SATB1: variants seen among roughly 807,000 people sequenced by gnomAD.
SATB1 encodes SATB homeobox 1.
A neutral mutation model predicts 86.9 loss-of-function variants in SATB1; 11 were observed. The ratio of observed to expected loss-of-function variants is 0.13; its 90% CI spans 0.08 to 0.21. The LOEUF (loss-of-function observed/expected upper bound fraction) is 0.21, where lower values mean the gene tolerates loss of function less well. Among genes scored for constraint, SATB1 ranks in the 10% least tolerant of loss-of-function variants. The pLI, the probability that SATB1 is intolerant of heterozygous loss-of-function variation, is 1.00. For synonymous variants in SATB1, 357 were observed against 357.2 expected, an observed-to-expected ratio of 1.00 and a Z score of 0.01; for missense variants, 551 against 937.6, an observed-to-expected ratio of 0.59 and a Z score of 5.39.
rs1426260004 is a variant in SATB1, at chr3:18,348,495, CAAAT to C, written c.*671_*674del. The C allele has an allele frequency of 6.6e-6, 1 of 152,158 alleles. No individual in the cohort carries two copies. The highest frequency in any genetic ancestry group is 2.4e-5 in the African/African-American group (1 of 41,274). 9.4% of individuals were successfully genotyped at this position (152,158 alleles called of 1,614,324 possible). On this transcript the variant is annotated 3_prime_UTR_variant, in exon 11 of 11. Transcript: ENST00000338745. ...TTACAACATGATGCTGCAGGATCTA[CAAAT>C]AAATAATGAGGACTAAATTGTGTTT...
intron 9 of SATB1, among the ~76,000 whole-genome samples, chr3:18,370,411 C>A (rs577957867): frequency 8.9e-4 from 135 of 151,102 alleles, no homozygotes; most frequent in Middle Eastern, 3.4e-3. Flanking sequence ...CCATCCCCAA[C>A]TCCCCAACAA....
At chr3:18,410,371 T>C (rs547200191) in intron 5 of SATB1, among the ~76,000 whole-genome samples, 1 of 152,112 alleles carries the variant, frequency 6.6e-6, no homozygotes, top group African/African-American at 2.4e-5. Flanking sequence ...AAAGGCTACT[T>C]GGTGAAGCTC....
rs566795258 is a variant in SATB1, at chr3:18,379,346, A to C, written c.1420-1021T>G. On this transcript the variant is annotated intron_variant, in intron 8 of 10. Coordinates refer to ENST00000338745, the MANE Select transcript of SATB1 (RefSeq NM_002971.6). ...TAGCTGATTTTTTACTGGGAAACTG[A>C]TGAAAATATAAATGAAAAATTACTA... 2.0e-5 allele frequency among the ~76,000 whole-genome samples: 3 copies of C among 152,328 alleles called. No individual in the cohort carries two copies. The East Asian group carries it at 5.8e-4, about 29-fold the overall frequency.
At position 18,434,353 on chromosome 3, in the gene SATB1, AT is replaced by A. The variant is rs1392359989; in HGVS notation, c.-25+2435del. On this transcript the variant is annotated intron_variant, in intron 2 of 3. Coordinates refer to the SATB1 transcript ENST00000414509. Reference sequence around the variant, plus strand: ...ATTCTCAATAGATTTGAAAAATCCAATTGTTTGGCCAACATCCAAGTAAGAA... The same window carrying A: ...ATTCTCAATAGATTTGAAAAATCCAATGTTTGGCCAACATCCAAGTAAGAA... Among the ~76,000 whole-genome samples the A allele has an allele frequency of 2.6e-5, 4 of 152,088 alleles. No homozygotes were observed. The East Asian group carries it at 7.7e-4, about 29-fold the overall frequency.
At chr3:18,376,417 C>T (rs1463642948) in intron 9 of SATB1, among the ~76,000 whole-genome samples, 1 of 151,652 alleles carries the variant, frequency 6.6e-6, no homozygotes, top group African/African-American at 2.4e-5. Context: ...TTTAGGGAAA[C>T]AGGCTTTTGT....
chr3:18,424,882 T>C lies in SATB1; in HGVS notation c.-1280A>G, dbSNP rs1698596570. On this transcript the variant is annotated 5_prime_UTR_variant, in exon 1 of 11. Transcript: ENST00000338745. ...GGATAGAGGGCGGCCGCGGCTGTTG[T>C]TGTTGTGACGAGGCCGGGTGTTGCT... 1 of 153,844 alleles carries C rather than the reference T, an allele frequency of 6.5e-6. No homozygotes were observed. Among genetic ancestry groups the C allele is most frequent in the Admixed American group, 6.5e-5 (1 of 15,292 alleles). The allele number at this position is 153,844 out of a possible 1,614,324, so 9.5% of individuals were successfully genotyped here. A position where few individuals can be genotyped will look rare whatever the true frequency, so the allele number is the denominator to read the frequency against.
chr3:18,444,516 G>T lies in SATB1; in HGVS notation c.-25+1002C>A. 1.1e-6 allele frequency: 1 copy of T among 926,376 alleles called. No homozygotes were observed. The highest frequency in any genetic ancestry group is 1.3e-6 in the Non-Finnish European group (1 of 776,060). 57.4% of individuals were successfully genotyped at this position (926,376 alleles called of 1,614,324 possible). A position where few individuals can be genotyped will look rare whatever the true frequency, so the allele number is the denominator to read the frequency against. On this transcript the variant is annotated intron_variant, in intron 1 of 3. Coordinates refer to the SATB1 transcript ENST00000415069. The surrounding 1 kb of genome is among the most constrained non-coding windows in gnomAD (Gnocchi z 5.1). ...TAGGGGACGAGGAGTGGGTGCTACG[G>T]AGAAGTTTGGATTGATTCCGGAAAA...
At chr3:18,377,239 G>A (rs914876042) in intron 9 of SATB1, among the ~76,000 whole-genome samples, 2 of 152,108 alleles carry the variant, frequency 1.3e-5, no homozygotes, top group African/African-American at 2.4e-5. Flanking sequence ...ATTCATTAAT[G>A]GTAATAAAAA....
At position 18,424,807 on chromosome 3, in the gene SATB1, C is replaced by G. The variant is rs1698592370; in HGVS notation, c.-1205G>C. 6.6e-6 allele frequency: 1 copy of G among 152,430 alleles called. No individual in the cohort carries two copies. Among genetic ancestry groups the G allele is most frequent in the African/African-American group, 2.4e-5 (1 of 41,450 alleles). The allele number at this position is 152,430 out of a possible 1,614,324, so 9.4% of individuals were successfully genotyped here. On this transcript the variant is annotated 5_prime_UTR_variant, in exon 1 of 11. Transcript: ENST00000338745. The stretch of plus-strand genomic sequence containing the variant: ...AGTTTCCCGAAATGAAAGAGGGGGG[C>G]GGGCAGCGTCCTCTAGAGTCGCCCT...
In SATB1 at chr3:18,394,830, C is replaced by T. The variant is rs1250947432; in HGVS notation, c.838G>A (p.Glu280Lys). 1.2e-6 allele frequency: 2 copies of T among 1,613,984 alleles called. No homozygotes were observed. Among genetic ancestry groups the T allele is most frequent in the Non-Finnish European group, 1.7e-6 (2 of 1,179,986 alleles). ...AGCTGCGCAGGGGATGGAGGCTGCT[C>T]GGCTGTGTTCCCTGGAACTGGTTGC... is the stretch of plus-strand genomic sequence containing the variant. ...GQQPVPGNTAEQPPSPAQLSH... is the reference protein window; with the variant it reads ...GQQPVPGNTAKQPPSPAQLSH... Residue 280 changes from glutamate (E) to lysine (K), a missense_variant, in exon 7 of 11, where the codon GAG (glutamate) becomes AAG (lysine). Transcript: ENST00000338745. This position sits in a 1 kb window ranked among gnomAD's most constrained non-coding sequence, Gnocchi z 5.9.
chr3:18,366,469 CAATCA>C (rs1243371868), intron 9 of SATB1, among the ~76,000 whole-genome samples: 1 of 151,806 alleles, frequency 6.6e-6, no homozygotes, highest in African/African-American at 2.4e-5. Flanking sequence ...ATCAATCAAT[CAATCA>C]AAAGAGCAGC....
At chr3:18,413,325 T>C (rs1697955436) in intron 5 of SATB1, among the ~76,000 whole-genome samples, 1 of 152,124 alleles carries the variant, frequency 6.6e-6, no homozygotes, top group Non-Finnish European at 1.5e-5. Flanking sequence ...TCACTGACTG[T>C]ATCAATAAAT....
rs151053533 is a variant in SATB1, at chr3:18,375,010, C to T, written c.1575+3160G>A. Among the ~76,000 whole-genome samples the T allele has an allele frequency of 3.3e-5, 5 of 152,280 alleles. No individual in the cohort carries two copies. In the East Asian group the frequency reaches 9.7e-4, roughly 29 times the overall value. ...CTGGATCAGAGTTGGCCTCCTTTGA[C>T]TCCTCCACCCTGTACACCCACCTCC... On this transcript the variant is annotated intron_variant, in intron 9 of 10. Coordinates refer to ENST00000338745, the MANE Select transcript of SATB1 (RefSeq NM_002971.6).
In SATB1 at chr3:18,346,657, A is replaced by AAAG. The variant is rs1040510215; in HGVS notation, c.*2510_*2512dup. On this transcript the variant is annotated 3_prime_UTR_variant, in exon 11 of 11. Coordinates refer to ENST00000338745, the MANE Select transcript of SATB1 (RefSeq NM_002971.6). ...ATTATCAAAACCACGCTGACTTTTA[A>AAAG]AAGTTAAAAAATCTAAGTGGGAATT... The AAAG allele has an allele frequency of 6.6e-6, 1 of 152,040 alleles. No individual in the cohort carries two copies. Among genetic ancestry groups the AAAG allele is most frequent in the Non-Finnish European group, 1.5e-5 (1 of 67,980 alleles). The allele number at this position is 152,040 out of a possible 1,614,324, so 9.4% of individuals were successfully genotyped here.
At position 18,346,712 on chromosome 3, in the gene SATB1, C is replaced by A. The variant is rs1694076126; in HGVS notation, c.*2458G>T. 1 of 151,704 alleles carries A rather than the reference C, an allele frequency of 6.6e-6. No homozygotes were observed. The highest frequency in any genetic ancestry group is 1.5e-5 in the Non-Finnish European group (1 of 67,952). 9.4% of individuals were successfully genotyped at this position (151,704 alleles called of 1,614,324 possible). On this transcript the variant is annotated 3_prime_UTR_variant, in exon 11 of 11. Coordinates refer to ENST00000338745, the MANE Select transcript of SATB1 (RefSeq NM_002971.6). The stretch of plus-strand genomic sequence containing the variant: ...TAGCATTGTTATGTTGATTACCAAA[C>A]AAACATTCAAACATTCATCATTTCA...
intron 9 of SATB1, among the ~76,000 whole-genome samples, chr3:18,376,458 G>C (rs113660374): frequency 6.6e-6 from 1 of 151,186 alleles, no homozygotes; most frequent in Admixed American, 6.6e-5. Context: ...ACTGATGATC[G>C]GACAGGTCAG....
rs1379102883 is a variant in SATB1 at position 18,349,125 on chromosome 3, T to C, written c.*45A>G. The C allele has an allele frequency of 3.8e-6, 6 of 1,571,034 alleles. No homozygotes were observed. Among genetic ancestry groups the C allele is most frequent in the Non-Finnish European group, 5.2e-6 (6 of 1,158,694 alleles). On this transcript the variant is annotated 3_prime_UTR_variant, in exon 11 of 11. Coordinates refer to ENST00000338745, the MANE Select transcript of SATB1 (RefSeq NM_002971.6). The surrounding 1 kb of genome is among the most constrained non-coding windows in gnomAD (Gnocchi z 5.5). ...AGACAAGGTGGACTTTTCATTTTGT[T>C]AGTAAATACCAGTGGCACTGTTGAA...
At position 18,397,280 on chromosome 3, in the gene SATB1, G is replaced by T. The variant is rs1559433502; in HGVS notation, c.650C>A (p.Ser217Tyr). 6.3e-7 allele frequency: 1 copy of T among 1,586,580 alleles called. No individual in the cohort carries two copies. ...KECPLSQSMI[S>Y]SIVNSTYYAN... is the part of the protein sequence containing the mutation. ...ATAGTAAGTACTGTTCACAATGGAA[G>T]AAATCATACTCTGCATGAAGAAGGG... Residue 217 changes from serine (S) to tyrosine (Y), a missense_variant, in exon 6 of 11, where the codon TCT becomes TAT. By Grantham distance (144) the Ser-to-Tyr change is moderately radical (BLOSUM62 -2). Coordinates refer to ENST00000338745, the MANE Select transcript of SATB1 (RefSeq NM_002971.6).
intron 9 of SATB1, among the ~76,000 whole-genome samples, chr3:18,363,409 C>A (rs1295288004): frequency 6.6e-6 from 1 of 152,146 alleles, no homozygotes; most frequent in Admixed American, 6.5e-5. Flanking sequence ...CTAGAAGCAT[C>A]ATGTGGGTCT....
Sources: gnomAD v4.1 joint callset for allele counts (sites outside exome capture counted in the v4.1 genomes callset) on GRCh38, gnomAD v4.1.1 for gene constraint, Gnocchi (gnomAD v3.1) non-coding constraint, MANE v1.5 for transcripts, NCBI Gene and HGNC (gene_info 2026-07-23, HGNC 2026-07-21) for gene names.